The following CKB variants were observed in gnomAD, a reference collection of about 807,000 sequenced individuals.
CKB encodes creatine kinase B.
Under a neutral mutation model 36.9 loss-of-function variants are expected in CKB, and 15 were observed. That is an observed-to-expected ratio of 0.41 (90% CI 0.27 to 0.63). CKB has a LOEUF of 0.63. Among genes scored for constraint, CKB ranks in the 20% least tolerant of loss-of-function variants. The pLI, the probability that CKB is intolerant of heterozygous loss-of-function variation, is 0.34. For missense variants in CKB, 413 were observed against 534.9 expected (o/e 0.77, Z 2.25); for synonymous variants, 250 against 228.2 (o/e 1.10, Z -0.86).
At position 103,519,799 on chromosome 14, in the gene CKB, TGGTG is replaced by T. The variant is rs2075886162; in HGVS notation, c.*61_*64del. 1.3e-6 allele frequency: 2 copies of T among 1,523,410 alleles called. No homozygotes were observed. The highest frequency in any genetic ancestry group is 3.7e-5 in the Admixed American group (2 of 54,316). The allele number at this position is 1,523,410 out of a possible 1,614,324, so 94.4% of individuals were successfully genotyped here. A position where few individuals can be genotyped will look rare whatever the true frequency, so the allele number is the denominator to read the frequency against. ...CCAGACGGCGAACATCAGGGGTGCA[TGGTG>T]GGCACTGCCCAGGCAATAAGTTAGG... On this transcript the variant is annotated 3_prime_UTR_variant, in exon 8 of 8. Transcript: ENST00000348956.
intron 5 of CKB, chr14:103,521,062 C>T: frequency 1.4e-6 from 1 of 733,194 alleles, no homozygotes; most frequent in Middle Eastern, 2.7e-4. Flanking sequence ...GGGCCCAGTC[C>T]CTTAACGCAC....
In CKB at chr14:103,520,547, GTCC is replaced by G; in HGVS notation, c.696_698del (p.Glu232del). 2 of 1,613,026 alleles carry G rather than the reference GTCC, an allele frequency of 1.2e-6. No homozygotes were observed. The highest frequency in any genetic ancestry group is 1.1e-5 in the South Asian group (1 of 90,890). ...TCTGCATGGAGATGACCCGCAGGTGGTCCTCCTCGTTGACCCACACCAGGAAGG... is the reference window on the plus strand; with the variant it reads ...TCTGCATGGAGATGACCCGCAGGTGGTCCTCGTTGACCCACACCAGGAAGG... On this transcript the variant is annotated inframe_deletion, in exon 6 of 8. Coordinates refer to ENST00000348956, the MANE Select transcript of CKB (RefSeq NM_001823.5).
In CKB at chr14:103,520,503, T is replaced by A. The variant is rs2142229602; in HGVS notation, c.743A>T (p.Glu248Val). 6.2e-7 allele frequency: 1 copy of A among 1,608,850 alleles called. No individual in the cohort carries two copies. The change falls in exon 6 of 8, where the codon GAG (glutamate) becomes GTG (valine). Residue 248 changes from glutamate to valine, a missense_variant. By Grantham distance (121) the Glu-to-Val change is moderately radical (BLOSUM62 -2). Transcript: ENST00000348956. ...GCCGGTGCAGAAGCGGGTGAACACC[T>A]CCTTCATGTTGCCCCCCTTCTGCAT... ...ISMQKGGNMK[E>V]VFTRFCTGLT... is the part of the protein sequence containing the mutation.
intron 5 of CKB, 129 bp downstream of exon 5, chr14:103,521,134 G>T: frequency 8.5e-7 from 1 of 1,171,830 alleles, no homozygotes; most frequent in Non-Finnish European, 1.2e-6. Context: ...CCCGGAGCGC[G>T]GCCGGCCCCT....
intron 4 of CKB, 114 bp downstream of exon 4, chr14:103,521,704 A>G: frequency 8.5e-7 from 1 of 1,181,946 alleles, no homozygotes; most frequent in Non-Finnish European, 1.1e-6. Flanking sequence ...GGGCGCGCGC[A>G]GATAAGAGCG....
chr14:103,521,174 A>G, intron 5 of CKB, 89 bp downstream of exon 5: 1 of 1,296,082 alleles, frequency 7.7e-7, no homozygotes, highest in Non-Finnish European at 1.1e-6. Flanking sequence ...CCTCGCCGCG[A>G]GGGGCCCCAC....
chr14:103,521,126 C>T (rs907283690), intron 5 of CKB, 137 bp downstream of exon 5: 2 of 1,105,500 alleles, frequency 1.8e-6, no homozygotes, highest in Non-Finnish European at 2.6e-6. Flanking sequence ...AACCCAGACC[C>T]GGAGCGCGGC....
chr14:103,520,589 G>C lies in CKB; in HGVS notation c.657C>G (p.His219Gln), dbSNP rs2075893497. 1 of 1,611,914 alleles carries C rather than the reference G, an allele frequency of 6.2e-7. No homozygotes were observed. Among genetic ancestry groups the C allele is most frequent in the Non-Finnish European group, 8.5e-7 (1 of 1,179,284 alleles). ...RDWPDARGIW[H>Q]NDNKTFLVWV... ...ACACCAGGAAGGTCTTATTGTCATT[G>C]TGCCTGCGGGAGGGCTGGTCTCAGG... The change falls in exon 6 of 8, where the codon CAC becomes CAG. Residue 219 changes from histidine (H) to glutamine (Q), a missense_variant. His to Gln is a conservative substitution (Grantham distance 24). This residue lies in a region of CKB where 314 missense variants were observed against 409.4 expected (regional missense o/e 0.77). Transcript: ENST00000348956.
chr14:103,521,576 G>A (rs1334364157), intron 4 of CKB, 142 bp from the exon 5 acceptor site: 9 of 973,278 alleles, frequency 9.2e-6, no homozygotes, highest in Non-Finnish European at 1.3e-5. Context: ...AGTCCTCACG[G>A]CCCGGGCGAC....
Position 103,521,412 on chromosome 14 carries a change from G to A in CKB, c.504C>T (p.Asp168=), listed in dbSNP as rs1434078065. 2 of 1,603,226 alleles carry A rather than the reference G, an allele frequency of 1.2e-6. No individual in the cohort carries two copies. Among genetic ancestry groups the A allele is most frequent in the Admixed American group, 3.3e-5 (2 of 59,862 alleles). Residue 168 remains aspartate (D), a synonymous_variant, in exon 5 of 8, where the codon GAC becomes GAT. Transcript: ENST00000348956. ...TGAGCGCGTAGTATCGGCCCGCCAG[G>A]TCGCCGTCCAGGCTGGACAGGGCTG... ...AVEALSSLDG[D]LAGRYYALKS...
chr14:103,522,283 C>T lies in CKB; in HGVS notation c.193+18G>A, dbSNP rs775160394. The T allele has an allele frequency of 6.3e-7, 1 of 1,593,876 alleles. No homozygotes were observed. Among genetic ancestry groups the T allele is most frequent in the South Asian group, 1.1e-5 (1 of 89,776 alleles). On this transcript the variant is annotated intron_variant, in intron 2 of 7. Coordinates refer to ENST00000348956, the MANE Select transcript of CKB (RefSeq NM_001823.5). This position sits in a 1 kb window ranked among gnomAD's most constrained non-coding sequence, Gnocchi z 6.7. ...GGGGGAGGGGGGGCCGGGACCCCGGCCCCGAGGGGTCGCGTACCCGGGTTG... is the reference window on the plus strand; with the variant it reads ...GGGGGAGGGGGGGCCGGGACCCCGGTCCCGAGGGGTCGCGTACCCGGGTTG...
chr14:103,521,075 G>T, intron 5 of CKB, 188 bp downstream of exon 5: 1 of 773,868 alleles, frequency 1.3e-6, no homozygotes, highest in Non-Finnish European at 2.2e-6. Flanking sequence ...TAACGCACCT[G>T]CTCGGCCAAG....
At chr14:103,521,479 T>G (rs2075900850) in intron 4 of CKB, 45 bp from the exon 5 acceptor site, 2 of 1,450,608 alleles carry the variant, frequency 1.4e-6, no homozygotes, top group South Asian at 2.8e-5. Context: ...CGCCCGCCCC[T>G]CCAGCCCGCA....
chr14:103,519,864 TC>T lies in CKB; in HGVS notation c.1145del (p.Ter382=). ...GCTGGTGTCGGGTGTGGGCCGGGCTTCATTTCTGGGCAGGCATGAGGTCGTC... is the reference window on the plus strand; with the variant it reads ...GCTGGTGTCGGGTGTGGGCCGGGCTTATTTCTGGGCAGGCATGAGGTCGTC... Reference protein sequence around the residue: ...AIDDLMPAQK* With the variant: ...AIDDLMPAQKX On this transcript the variant is annotated frameshift_variant and stop_lost, in exon 8 of 8. Transcript: ENST00000348956. LOFTEE classifies it high-confidence loss of function. 1 of 1,600,846 alleles carries T rather than the reference TC, an allele frequency of 6.2e-7. No homozygotes were observed. Among genetic ancestry groups the T allele is most frequent in the South Asian group, 1.1e-5 (1 of 90,816 alleles).
Position 103,520,504 on chromosome 14 carries a change from C to G in CKB, c.742G>C (p.Glu248Gln), listed in dbSNP as rs2075892939. The change falls in exon 6 of 8, where the codon GAG becomes CAG. Residue 248 changes from glutamate to glutamine, a missense_variant. Around this residue, in one of 3 missense-constraint regions of CKB, gnomAD observed 314 missense variants for 409.4 expected, o/e 0.77. Transcript: ENST00000348956. ...ISMQKGGNMK[E>Q]VFTRFCTGLT... ...CCGGTGCAGAAGCGGGTGAACACCT[C>G]CTTCATGTTGCCCCCCTTCTGCATG... The G allele has an allele frequency of 6.2e-7, 1 of 1,609,154 alleles. No individual in the cohort carries two copies. The highest frequency in any genetic ancestry group is 1.3e-5 in the African/African-American group (1 of 74,934).
At position 103,522,276 on chromosome 14, in the gene CKB, ACC is replaced by A; in HGVS notation, c.193+23_193+24del. 6.3e-7 allele frequency: 1 copy of A among 1,581,818 alleles called. No homozygotes were observed. Among genetic ancestry groups the A allele is most frequent in the Non-Finnish European group, 8.6e-7 (1 of 1,167,522 alleles). On this transcript the variant is annotated intron_variant, in intron 2 of 7. Transcript: ENST00000348956. The surrounding 1 kb of genome is among the most constrained non-coding windows in gnomAD (Gnocchi z 6.7). Reference sequence around the variant, plus strand: ...CTGCGCGGGGGGAGGGGGGGCCGGGACCCCGGCCCCGAGGGGTCGCGTACCCG... The same window carrying A: ...CTGCGCGGGGGGAGGGGGGGCCGGGACCGGCCCCGAGGGGTCGCGTACCCG...
In CKB at chr14:103,522,147, A is replaced by G; in HGVS notation, c.224T>C (p.Val75Ala). ...GHPYIMTVGC[V>A]AGDEESYEVF... Reference sequence around the variant, plus strand: ...TTCGTAGGACTCCTCGTCGCCCGCCACGCAGCCCACGGTCATGATGTACGG... The same window carrying G: ...TTCGTAGGACTCCTCGTCGCCCGCCGCGCAGCCCACGGTCATGATGTACGG... The change falls in exon 3 of 8, where the codon GTG becomes GCG. Residue 75 changes from valine (V) to alanine (A), a missense_variant. Val to Ala is a moderately conservative substitution (Grantham distance 64, BLOSUM62 0). This residue lies in a region of CKB where 25 missense variants were observed against 54.9 expected (regional missense o/e 0.46). Transcript: ENST00000348956. The surrounding 1 kb of genome is among the most constrained non-coding windows in gnomAD (Gnocchi z 6.7). 3 of 1,603,170 alleles carry G rather than the reference A, an allele frequency of 1.9e-6. No homozygotes were observed. The highest frequency in any genetic ancestry group is 2.6e-6 in the Non-Finnish European group (3 of 1,175,694).
rs1566963054 is a variant in CKB, at chr14:103,522,144, GC to G, written c.226del (p.Ala76ArgfsTer52). On this transcript the variant is annotated frameshift_variant, in exon 3 of 8. Coordinates refer to ENST00000348956, the MANE Select transcript of CKB (RefSeq NM_001823.5). LOFTEE classifies it high-confidence loss of function. This position sits in a 1 kb window ranked among gnomAD's most constrained non-coding sequence, Gnocchi z 6.7. ...CACTTCGTAGGACTCCTCGTCGCCC[GC>G]CACGCAGCCCACGGTCATGATGTAC... ...HPYIMTVGCVAGDEESYEVFK... is the reference protein window; with the variant it reads ...HPYIMTVGCVXGDEESYEVFK... 6.2e-7 allele frequency: 1 copy of G among 1,603,108 alleles called. No homozygotes were observed. The highest frequency in any genetic ancestry group is 1.1e-5 in the South Asian group (1 of 89,586).
At position 103,521,369 on chromosome 14, in the gene CKB, C is replaced by G. The variant is rs2075899312; in HGVS notation, c.547G>C (p.Glu183Gln). The change falls in exon 5 of 8, where the codon GAG (glutamate) becomes CAG (glutamine). Residue 183 changes from glutamate to glutamine, a missense_variant. By Grantham distance (29) the Glu-to-Gln change is conservative. Around this residue, in one of 3 missense-constraint regions of CKB, gnomAD observed 314 missense variants for 409.4 expected, o/e 0.77. Coordinates refer to ENST00000348956, the MANE Select transcript of CKB (RefSeq NM_001823.5). ...YYALKSMTEA[E>Q]QQQLIDDHFL... ...TGGTCGTCGATGAGCTGCTGCTGCT[C>G]CGCCTCCGTCATGCTCTTGAGCGCG... The G allele has an allele frequency of 1.9e-6, 3 of 1,609,750 alleles. No homozygotes were observed. The highest frequency in any genetic ancestry group is 2.5e-6 in the Non-Finnish European group (3 of 1,179,432).
Sources: allele counts gnomAD v4.1 joint callset, GRCh38; gene constraint gnomAD v4.1.1; regional missense constraint gnomAD v4.1.1; non-coding constraint Gnocchi (gnomAD v3.1); transcripts MANE v1.5; gene names NCBI Gene and HGNC (gene_info 2026-07-23, HGNC 2026-07-21).